Variants in SLC30A8 observed in about 807,000 individuals in gnomAD.
SLC30A8 encodes the protein proton-coupled zinc antiporter SLC30A8.
Under a neutral mutation model 36.9 loss-of-function variants are expected in SLC30A8, and 27 were observed. The ratio of observed to expected loss-of-function variants is 0.73; its 90% CI spans 0.54 to 1.01. SLC30A8 has a LOEUF of 1.01. Ranked by LOEUF, SLC30A8 falls within the 50% of genes least tolerant of loss-of-function variation. SLC30A8 has a pLI of 0.00. For synonymous variants in SLC30A8, 164 were observed against 172.4 expected, an observed-to-expected ratio of 0.95 and a Z score of 0.38; for missense variants, 439 against 452.0, an observed-to-expected ratio of 0.97 and a Z score of 0.26.
intron 1 of SLC30A8, among the ~76,000 whole-genome samples, chr8:116,995,571 TGA>T (rs1315846978): frequency 6.6e-6 from 1 of 152,090 alleles, no homozygotes. Flanking sequence ...GTGACTTGTA[TGA>T]GCTACTGCAG....
Position 117,173,364 on chromosome 8 carries a change from G to A in SLC30A8, c.*683G>A, listed in dbSNP as rs1427069466. ...AAAGGAAATATTTTCACCTACCAGA[G>A]TGCTTAAACACTGGCACCAGCCAAA... is the stretch of plus-strand genomic sequence containing the variant. On this transcript the variant is annotated 3_prime_UTR_variant, in exon 8 of 8. Transcript: ENST00000456015. 1 of 152,112 alleles carries A rather than the reference G, an allele frequency of 6.6e-6. No homozygotes were observed. Among genetic ancestry groups the A allele is most frequent in the Non-Finnish European group, 1.5e-5 (1 of 68,018 alleles). 9.4% of individuals were successfully genotyped at this position (152,112 alleles called of 1,614,324 possible).
chr8:117,011,005 C>T (rs1165982661), intron 1 of SLC30A8, among the ~76,000 whole-genome samples: 1 of 152,168 alleles, frequency 6.6e-6, no homozygotes, highest in African/African-American at 2.4e-5. Flanking sequence ...TGTGCAGAGC[C>T]ACAGATCCAA....
intron 2 of SLC30A8, among the ~76,000 whole-genome samples, chr8:117,054,204 T>A (rs1394065361): frequency 6.6e-6 from 1 of 150,812 alleles, no homozygotes; most frequent in African/African-American, 2.5e-5. Flanking sequence ...ACTCAAGTGA[T>A]CTTCCCACCT....
chr8:117,076,432 G>A lies in SLC30A8; in HGVS notation c.-226+37174G>A, dbSNP rs376495012. Reference sequence around the variant, plus strand: ...CTTGGCTTTAGAAATTTAAACTGCAGCGAATTTTGAGAAATAGTTACTCAT... The same window carrying A: ...CTTGGCTTTAGAAATTTAAACTGCAACGAATTTTGAGAAATAGTTACTCAT... On this transcript the variant is annotated intron_variant, in intron 2 of 10. Coordinates refer to the SLC30A8 transcript ENST00000427715. 2.6e-3 allele frequency among the ~76,000 whole-genome samples: 394 copies of A among 152,172 alleles called. 17 individuals are homozygous for A. In the South Asian group the frequency reaches 0.078, roughly 30 times the overall value.
intron 2 of SLC30A8, among the ~76,000 whole-genome samples, chr8:117,040,558 G>A (rs974470566): frequency 2.0e-5 from 3 of 152,164 alleles, no homozygotes; most frequent in African/African-American, 7.2e-5. Context: ...GTAAAAAGAT[G>A]AAAGAATTTT....
intron 1 of SLC30A8, among the ~76,000 whole-genome samples, chr8:117,010,658 G>A (rs1040404948): frequency 1.3e-5 from 2 of 152,200 alleles, no homozygotes; most frequent in African/African-American, 4.8e-5. Context: ...AAATGCCTGA[G>A]ACTGGGTAAT....
Position 117,172,552 on chromosome 8 carries a change from C to T in SLC30A8, c.981C>T (p.Ser327=). The T allele has an allele frequency of 6.2e-7, 1 of 1,613,650 alleles. No individual in the cohort carries two copies. The highest frequency in any genetic ancestry group is 8.5e-7 in the Non-Finnish European group (1 of 1,179,694). ...TATCAACAGCAGCCAGCCGGGACAG[C>T]CAAGTGGTTCGGAGAGAAATTGCTA... is the stretch of plus-strand genomic sequence containing the variant. The part of the protein sequence containing the change: ...AHVATAASRD[S]QVVRREIAKA... The change falls in exon 8 of 8, where the codon AGC becomes AGT. Residue 327 remains serine, a synonymous_variant. Coordinates refer to ENST00000456015, the MANE Select transcript of SLC30A8 (RefSeq NM_173851.3).
At chr8:116,989,772 G>A (rs1428316289) in intron 1 of SLC30A8, among the ~76,000 whole-genome samples, 2 of 152,194 alleles carry the variant, frequency 1.3e-5, no homozygotes, top group African/African-American at 4.8e-5. Flanking sequence ...TGGATCAGAA[G>A]TAAAACCCCA....
chr8:117,146,801 C>T lies in SLC30A8; in HGVS notation c.72-153C>T, dbSNP rs192056904. ...GGAAATTTCTAGCTTGTTTCTAACA[C>T]TTGATATTTTCTTGTAGAAGGAGCT... On this transcript the variant is annotated intron_variant, in intron 1 of 7. Coordinates refer to ENST00000456015, the MANE Select transcript of SLC30A8 (RefSeq NM_173851.3). 131 of 1,429,408 alleles carry T rather than the reference C, an allele frequency of 9.2e-5. 1 individual carries two copies. In the African/African-American group the frequency reaches 1.6e-3, roughly 18 times the overall value. The allele number at this position is 1,429,408 out of a possible 1,614,324, so 88.5% of individuals were successfully genotyped here.
chr8:117,157,904 A>T, intron 4 of SLC30A8, 60 bp downstream of exon 4: 2 of 1,577,436 alleles, frequency 1.3e-6, no homozygotes, highest in Non-Finnish European at 1.7e-6. Context: ...CTATCTGGAC[A>T]AAGTCGACCT....
At chr8:117,140,539 G>T (rs1200282342) in intron 1 of SLC30A8, among the ~76,000 whole-genome samples, 1 of 152,174 alleles carries the variant, frequency 6.6e-6, no homozygotes, top group South Asian at 2.1e-4. Context: ...AGAGCATCCT[G>T]ATCAGATTAA....
At chr8:117,094,459 C>T (rs537208442) in intron 2 of SLC30A8, among the ~76,000 whole-genome samples, 115 of 152,318 alleles carry the variant, frequency 7.5e-4, no homozygotes, top group African/African-American at 2.5e-3. Flanking sequence ...ATGGGCCGCT[C>T]CTCTCTGCAG....
chr8:117,167,263 C>G (rs1464423311), intron 6 of SLC30A8, among the ~76,000 whole-genome samples: 3 of 152,120 alleles, frequency 2.0e-5, no homozygotes, highest in African/African-American at 4.8e-5. Context: ...TAGAAACTGG[C>G]AGATAACTCC....
At chr8:117,069,353 G>A (rs1424616959) in intron 2 of SLC30A8, among the ~76,000 whole-genome samples, 1 of 152,200 alleles carries the variant, frequency 6.6e-6, no homozygotes. Flanking sequence ...AGTTATTTCA[G>A]TAATTATCAA....
chr8:117,034,452 G>A (rs749284465), intron 1 of SLC30A8, among the ~76,000 whole-genome samples: 5 of 152,194 alleles, frequency 3.3e-5, no homozygotes, highest in South Asian at 2.1e-4. Flanking sequence ...TTAGTAAGTC[G>A]TTTCCAAAGA....
At chr8:117,161,273 A>G (rs962029392) in intron 4 of SLC30A8, among the ~76,000 whole-genome samples, 9 of 152,262 alleles carry the variant, frequency 5.9e-5, no homozygotes, top group African/African-American at 1.9e-4. Flanking sequence ...TAAAACCTCA[A>G]TAAAATTCAC....
intron 6 of SLC30A8, among the ~76,000 whole-genome samples, chr8:117,168,760 A>G (rs1231057644): frequency 6.6e-6 from 1 of 152,294 alleles, no homozygotes; most frequent in East Asian, 1.9e-4. Flanking sequence ...CATTAGGCAT[A>G]ACAGACAGTG....
At chr8:117,153,501 T>C (rs1822300508) in intron 3 of SLC30A8, among the ~76,000 whole-genome samples, 1 of 152,178 alleles carries the variant, frequency 6.6e-6, no homozygotes, top group Non-Finnish European at 1.5e-5. Context: ...TTATAGAGGA[T>C]TCAGGAATAG....
intron 1 of SLC30A8, among the ~76,000 whole-genome samples, chr8:116,996,838 T>C (rs1037370137): frequency 2.0e-5 from 3 of 152,198 alleles, no homozygotes; most frequent in African/African-American, 7.2e-5. Flanking sequence ...TGGAAAGGCA[T>C]GCAGAATATT....
Sources: allele counts gnomAD v4.1 joint callset (sites outside exome capture counted in the v4.1 genomes callset), GRCh38; gene constraint gnomAD v4.1.1; transcripts MANE v1.5; gene names NCBI Gene and HGNC (gene_info 2026-07-23, HGNC 2026-07-21).